Variants in MMS19 observed in about 807,000 individuals in gnomAD.
MMS19 encodes the protein MMS19 cytosolic iron-sulfur assembly component, also known as MMS19 nucleotide excision repair protein homolog.
A neutral mutation model predicts 129.8 loss-of-function variants in MMS19; 77 were observed. The ratio of observed to expected loss-of-function variants is 0.59; its 90% CI spans 0.49 to 0.72. The LOEUF is 0.72. MMS19 is among the 30% of genes least tolerant of loss of function. MMS19 has a pLI of 0.00. For synonymous variants in MMS19, 491 were observed against 502.8 expected, an observed-to-expected ratio of 0.98 and a Z score of 0.31; for missense variants, 1,168 against 1,266.3, an observed-to-expected ratio of 0.92 and a Z score of 1.18.
rs29001280 is a variant in MMS19, at chr10:97,478,360, G to C, written c.292C>G (p.Arg98Gly). 1 of 1,605,780 alleles carries C rather than the reference G, an allele frequency of 6.2e-7. No homozygotes were observed. Among genetic ancestry groups the C allele is most frequent in the Non-Finnish European group, 8.5e-7 (1 of 1,176,174 alleles). The change falls in exon 4 of 31, where the codon CGG becomes GGG. Residue 98 changes from arginine (R) to glycine (G), a missense_variant. Physicochemically the swap from Arg to Gly is moderately radical, Grantham distance 125. Around this residue, in one of 3 missense-constraint regions of MMS19, gnomAD observed 329 missense variants for 328.6 expected, o/e 1.00. Transcript: ENST00000438925. ...ATCACAAGATGATGGTCCTTCAGCC[G>C]GTTCTCATAGAACAGTATCAGGTGT... ...VVHLILFYENRLKDHHLVIPS... is the reference protein window; with the variant it reads ...VVHLILFYENGLKDHHLVIPS...
At chr10:97,491,098 C>G (rs911534078) in intron 1 of MMS19, among the ~76,000 whole-genome samples, 6 of 152,174 alleles carry the variant, frequency 3.9e-5, no homozygotes, top group African/African-American at 1.4e-4. Flanking sequence ...AACAGCCTGG[C>G]TATAGTACAG....
intron 1 of MMS19, among the ~76,000 whole-genome samples, chr10:97,486,862 C>CACATATATATATATATATAT (rs1491353044): frequency 3.5e-5 from 3 of 85,088 alleles, no homozygotes; most frequent in Non-Finnish European, 5.2e-5. Context: ...ATTAAAGTGC[C>CACATATATATATATATATAT]ATATATATAT....
intron 13 of MMS19, 110 bp from the exon 14 acceptor site, chr10:97,467,693 G>T (rs1366114755): frequency 1.0e-6 from 1 of 988,866 alleles, no homozygotes; most frequent in Non-Finnish European, 1.5e-6. Flanking sequence ...TGGGGGTTTT[G>T]CTATGCCACA....
At position 97,477,390 on chromosome 10, in the gene MMS19, T is replaced by C; in HGVS notation, c.450A>G (p.Thr150=). Residue 150 remains threonine (T), a synonymous_variant, in exon 6 of 31, where the codon ACA becomes ACG. Transcript: ENST00000438925. ...VQSLPQVDRH[T]VYNIITNFMR... ...TAAAATTGGTGATGATATTGTAGAC[T>C]GTGTGTCGGTCCACCTGTGGCAGGG... The C allele has an allele frequency of 1.9e-6, 3 of 1,613,978 alleles. No individual in the cohort carries two copies. The highest frequency in any genetic ancestry group is 2.2e-5 in the East Asian group (1 of 44,888).
At chr10:97,487,268 T>C (rs537362631) in intron 1 of MMS19, among the ~76,000 whole-genome samples, 52 of 152,014 alleles carry the variant, frequency 3.4e-4, no homozygotes, top group African/African-American at 1.1e-3. Flanking sequence ...AACAAAAACA[T>C]TGGCTTTAAA....
rs537290793 is a variant in MMS19 at position 97,460,569 on chromosome 10, C to G, written c.2469+126G>C. 18 of 850,202 alleles carry G rather than the reference C, an allele frequency of 2.1e-5. No homozygotes were observed. The African/African-American group carries it at 2.7e-4, about 13-fold the overall frequency. The allele number at this position is 850,202 out of a possible 1,614,324, so 52.7% of individuals were successfully genotyped here. A position where few individuals can be genotyped will look rare whatever the true frequency, so the allele number is the denominator to read the frequency against. ...CCTGGGTGACAGAGTAAGACCCTGT[C>G]TCCAAAAAGAAAAAAGAAAAGAAAA... On this transcript the variant is annotated intron_variant, in intron 25 of 30. Transcript: ENST00000438925.
chr10:97,479,635 A>G (rs1181280668), intron 3 of MMS19, among the ~76,000 whole-genome samples: 2 of 152,136 alleles, frequency 1.3e-5, no homozygotes, highest in Non-Finnish European at 1.5e-5. Flanking sequence ...TTTTTTCCCA[A>G]TCAGTCACAT....
intron 26 of MMS19, 25 bp downstream of exon 26, chr10:97,460,021 G>T (rs773336811): frequency 4.4e-6 from 7 of 1,609,182 alleles, no homozygotes; most frequent in Admixed American, 1.7e-5. Flanking sequence ...GTGTATATGT[G>T]GGGACCTTCT....
At chr10:97,467,665 T>C in intron 13 of MMS19, 82 bp from the exon 14 acceptor site, 1 of 1,347,130 alleles carries the variant, frequency 7.4e-7, no homozygotes, top group Non-Finnish European at 1.0e-6. Flanking sequence ...GGGAAAATTC[T>C]TTCTTTCTTC....
intron 18 of MMS19, 117 bp downstream of exon 18, chr10:97,465,688 T>C (rs2033314654): frequency 4.7e-6 from 5 of 1,057,292 alleles, no homozygotes; most frequent in Non-Finnish European, 5.4e-6. Context: ...TATTTTTTTT[T>C]TCTTTTAAAA....
chr10:97,498,127 C>G, intron 1 of MMS19, 146 bp downstream of exon 1: 1 of 690,472 alleles, frequency 1.4e-6, no homozygotes, highest in South Asian at 1.9e-5. Flanking sequence ...CTTGTTACGG[C>G]TCTGAACCTC....
chr10:97,474,132 CAAAA>C (rs780173105), intron 8 of MMS19, among the ~76,000 whole-genome samples: 5 of 57,192 alleles, frequency 8.7e-5, no homozygotes, highest in African/African-American at 6.5e-5. Context: ...CAGCCTGCCT[CAAAA>C]AAAAAAAAAA....
chr10:97,458,889 G>A lies in MMS19; in HGVS notation c.2976C>T (p.Tyr992=), dbSNP rs1387026418. ...TRLPTPVLLP[Y]KPQVIRALAK... ...CTAAGGCCCGAATCACCTGTGGTTT[G>A]TACGGCAGCAGCTGTGGAGTCAGAG... The change falls in exon 30 of 31, where the codon TAC becomes TAT. Residue 992 remains tyrosine, a synonymous_variant. Transcript: ENST00000438925. 1.2e-6 allele frequency: 2 copies of A among 1,614,030 alleles called. No individual in the cohort carries two copies. The highest frequency in any genetic ancestry group is 1.7e-6 in the Non-Finnish European group (2 of 1,179,892).
At chr10:97,491,523 G>A (rs994739991) in intron 1 of MMS19, among the ~76,000 whole-genome samples, 1 of 152,142 alleles carries the variant, frequency 6.6e-6, no homozygotes, top group African/African-American at 2.4e-5. Flanking sequence ...AAATTAGCTG[G>A]GTGTAGTGGC....
intron 1 of MMS19, among the ~76,000 whole-genome samples, chr10:97,492,462 G>T (rs2039074446): frequency 6.6e-6 from 1 of 150,426 alleles, no homozygotes. Flanking sequence ...GCGACTGAGT[G>T]AGACTCTGTC....
chr10:97,467,764 A>T (rs1238677728), intron 13 of MMS19, among the ~76,000 whole-genome samples, 181 bp from the exon 14 acceptor site: 1 of 152,026 alleles, frequency 6.6e-6, no homozygotes, highest in Non-Finnish European at 1.5e-5. Flanking sequence ...CCTAGGTTCA[A>T]GTGATTCTCT....
At chr10:97,463,817 G>C (rs1222233559) in intron 19 of MMS19, 41 bp downstream of exon 19, 3 of 1,586,558 alleles carry the variant, frequency 1.9e-6, no homozygotes, top group Non-Finnish European at 2.6e-6. Context: ...CCAGCAGAGG[G>C]CAAAGTTCCC....
At chr10:97,492,542 C>A (rs945224370) in intron 1 of MMS19, among the ~76,000 whole-genome samples, 2 of 148,448 alleles carry the variant, frequency 1.3e-5, no homozygotes, top group African/African-American at 5.0e-5. Flanking sequence ...ATTACAAGAC[C>A]GTAAAAAAAA....
intron 1 of MMS19, among the ~76,000 whole-genome samples, chr10:97,492,136 TA>T (rs35108950): frequency 0.51 from 49,601 of 98,204 alleles, 10,144 homozygotes; most frequent in Non-Finnish European, 0.52. Context: ...AAACTCAATC[TA>T]AAAAAAAAAA....
Sources: allele counts gnomAD v4.1 joint callset (sites outside exome capture counted in the v4.1 genomes callset), GRCh38; gene constraint gnomAD v4.1.1; regional missense constraint gnomAD v4.1.1; transcripts MANE v1.5; gene names NCBI Gene and HGNC (gene_info 2026-07-23, HGNC 2026-07-21).